Variants in TBC1D9 observed in about 807,000 individuals in gnomAD.
TBC1D9 encodes TBC1 domain family member 9A.
Under a neutral mutation model 132.0 loss-of-function variants are expected in TBC1D9, and 63 were observed. The observed-to-expected ratio is 0.48, with a 90% confidence interval of 0.39 to 0.59. TBC1D9 has a LOEUF of 0.59. Among genes scored for constraint, TBC1D9 ranks in the 20% least tolerant of loss-of-function variants. TBC1D9 has a pLI of 0.00. For missense variants in TBC1D9, 1,261 were observed against 1,592.7 expected, an observed-to-expected ratio of 0.79 and a Z score of 3.54; for synonymous variants, 610 against 609.9, an observed-to-expected ratio of 1.00 and a Z score of 0.00.
Position 140,622,772 on chromosome 4 carries a change from G to A in TBC1D9, c.3224C>T (p.Ala1075Val). The A allele has an allele frequency of 1.2e-6, 2 of 1,604,266 alleles. No individual in the cohort carries two copies. Among genetic ancestry groups the A allele is most frequent in the Middle Eastern group, 1.7e-4 (1 of 6,060 alleles). ...ACTGCCTCCGCTCCCGCCCTCCTTT[G>A]CAGGCTGGGCCACGAACAACTTGCC... ...EVGKLFVAQP[A>V]KEGGSGGSGP... Residue 1075 changes from alanine to valine, a missense_variant, in exon 21 of 21, where the codon GCA becomes GTA. Ala to Val is a moderately conservative substitution (Grantham distance 64, BLOSUM62 0). Transcript: ENST00000442267.
chr4:140,655,575 C>G (rs900944538), intron 13 of TBC1D9, among the ~76,000 whole-genome samples: 2 of 152,276 alleles, frequency 1.3e-5, no homozygotes, highest in East Asian at 1.9e-4. Flanking sequence ...TTTAGAGAAT[C>G]AAGGATCAGG....
chr4:140,667,046 A>C (rs1737458130), intron 9 of TBC1D9, among the ~76,000 whole-genome samples: 1 of 152,166 alleles, frequency 6.6e-6, no homozygotes, highest in African/African-American at 2.4e-5. Context: ...TCTGACCTGC[A>C]TTTCATTTCA....
intron 13 of TBC1D9, among the ~76,000 whole-genome samples, chr4:140,649,780 T>C (rs1417088252): frequency 6.6e-6 from 1 of 152,084 alleles, no homozygotes; most frequent in Non-Finnish European, 1.5e-5. Context: ...AACAAGGATA[T>C]GAATTCAGGG....
At chr4:140,715,124 AAAAC>A (rs1264523818) in intron 1 of TBC1D9, among the ~76,000 whole-genome samples, 4 of 152,212 alleles carry the variant, frequency 2.6e-5, no homozygotes, top group Admixed American at 2.0e-4. Flanking sequence ...ACCCTGTCTC[AAAAC>A]AAACAAACGA....
At chr4:140,637,661 T>G (rs1001202729) in intron 15 of TBC1D9, among the ~76,000 whole-genome samples, 4 of 152,194 alleles carry the variant, frequency 2.6e-5, no homozygotes, top group African/African-American at 7.2e-5. Context: ...CAACTTACAC[T>G]ATGTGGAACA....
rs571151642 is a variant in TBC1D9 at position 140,717,036 on chromosome 4, C to G, written c.131-15422G>C. ...ATACAATGAAAGACTTGGGTTATAT[C>G]AAAATAAATATTTTGAAACTTTTTA... On this transcript the variant is annotated intron_variant, in intron 1 of 20. Transcript: ENST00000442267. Among the ~76,000 whole-genome samples, 7 of 152,112 alleles carry G rather than the reference C, an allele frequency of 4.6e-5. No homozygotes were observed. The South Asian group carries it at 1.5e-3, about 32-fold the overall frequency.
intron 2 of TBC1D9, among the ~76,000 whole-genome samples, chr4:140,700,449 CA>C (rs897110400): frequency 1.9e-4 from 25 of 129,324 alleles, no homozygotes; most frequent in East Asian, 1.1e-3. Flanking sequence ...GACTCCGTCC[CA>C]AAAAAAAAAC....
chr4:140,643,341 TG>T, intron 13 of TBC1D9: 1 of 1,333,044 alleles, frequency 7.5e-7, no homozygotes, highest in Non-Finnish European at 1.1e-6. Context: ...CTCCAAGGCC[TG>T]GACTCCAGTA....
chr4:140,702,031 T>A (rs1738078176), intron 1 of TBC1D9, among the ~76,000 whole-genome samples: 1 of 152,204 alleles, frequency 6.6e-6, no homozygotes, highest in South Asian at 2.1e-4. Context: ...AGTGCTTTGG[T>A]ACTGTGTTTA....
Position 140,677,053 on chromosome 4 carries a change from C to T in TBC1D9, c.900G>A (p.Arg300=), listed in dbSNP as rs1194451331. The change falls in exon 6 of 21, where the codon CGG becomes CGA. Residue 300 remains arginine, a synonymous_variant. Transcript: ENST00000442267. ...CATCTAATTTTTCATCTTTGGGCAGCCGGAAAAGTGCACGGTATCTCTCAC... is the reference window on the plus strand; with the variant it reads ...CATCTAATTTTTCATCTTTGGGCAGTCGGAAAAGTGCACGGTATCTCTCAC... The part of the protein sequence containing the change: ...AKSERYRALF[R]LPKDEKLDGH... 1 of 1,613,744 alleles carries T rather than the reference C, an allele frequency of 6.2e-7. No individual in the cohort carries two copies. Among genetic ancestry groups the T allele is most frequent in the African/African-American group, 1.3e-5 (1 of 74,868 alleles).
At chr4:140,713,248 AT>A (rs1158749068) in intron 1 of TBC1D9, among the ~76,000 whole-genome samples, 1 of 152,072 alleles carries the variant, frequency 6.6e-6, no homozygotes, top group African/African-American at 2.4e-5. Flanking sequence ...TCCACTGAGT[AT>A]TCATTAAATC....
At chr4:140,666,725 T>C (rs1737451405) in intron 9 of TBC1D9, among the ~76,000 whole-genome samples, 1 of 122,446 alleles carries the variant, frequency 8.2e-6, no homozygotes, top group Non-Finnish European at 1.7e-5. Context: ...CACAATTCTG[T>C]GAATATACTA....
At chr4:140,736,412 G>A (rs568713155) in intron 1 of TBC1D9, among the ~76,000 whole-genome samples, 15 of 152,100 alleles carry the variant, frequency 9.9e-5, no homozygotes, top group East Asian at 3.9e-4. Context: ...ATGGTGGTAC[G>A]TGCCTATAAT....
At chr4:140,641,028 A>C (rs2110978302) in intron 13 of TBC1D9, among the ~76,000 whole-genome samples, 1 of 151,080 alleles carries the variant, frequency 6.6e-6, no homozygotes, top group South Asian at 2.1e-4. Flanking sequence ...TCATCACATA[A>C]TCAACTATTT....
rs527510113 is a variant in TBC1D9, at chr4:140,715,471, G to A, written c.131-13857C>T. On this transcript the variant is annotated intron_variant, in intron 1 of 20. Coordinates refer to ENST00000442267, the MANE Select transcript of TBC1D9 (RefSeq NM_015130.3). ...ATTCATAGTACCTTGAATGACTCCT[G>A]TTCCTTATAACCCAAAGTGACCAAC... 4.6e-5 allele frequency among the ~76,000 whole-genome samples: 7 copies of A among 152,220 alleles called. No homozygotes were observed. In the South Asian group the frequency reaches 1.5e-3, roughly 32 times the overall value.
chr4:140,754,710 T>G (rs1738980585), intron 1 of TBC1D9, among the ~76,000 whole-genome samples: 1 of 149,772 alleles, frequency 6.7e-6, no homozygotes, highest in South Asian at 2.1e-4. Flanking sequence ...GTTAGATAAC[T>G]TCTACAAAAT....
chr4:140,665,101 A>G (rs922785396), intron 9 of TBC1D9, among the ~76,000 whole-genome samples: 5 of 147,314 alleles, frequency 3.4e-5, no homozygotes, highest in Admixed American at 2.0e-4. Flanking sequence ...GGTGAGACTC[A>G]GTCTCCAGAA....
intron 1 of TBC1D9, among the ~76,000 whole-genome samples, chr4:140,747,685 G>T (rs1738859404): frequency 6.6e-6 from 1 of 152,196 alleles, no homozygotes; most frequent in African/African-American, 2.4e-5. Flanking sequence ...TCCATAAGGG[G>T]CTGCTGAGTA....
chr4:140,635,130 A>G (rs905298007), intron 15 of TBC1D9, among the ~76,000 whole-genome samples: 23 of 152,056 alleles, frequency 1.5e-4, no homozygotes, highest in African/African-American at 5.1e-4. Flanking sequence ...CTTTTTCCAT[A>G]TTGTATTGTC....
Sources: allele counts gnomAD v4.1 joint callset (sites outside exome capture counted in the v4.1 genomes callset), GRCh38; gene constraint gnomAD v4.1.1; transcripts MANE v1.5; gene names NCBI Gene and HGNC (gene_info 2026-07-23, HGNC 2026-07-21).